MROH2B: variants seen among roughly 807,000 people sequenced by gnomAD.
MROH2B encodes the protein maestro heat like repeat family member 2B, also known as maestro heat-like repeat-containing protein family member 2B.
A neutral mutation model predicts 208.6 loss-of-function variants in MROH2B; 177 were observed. That is an observed-to-expected ratio of 0.85 (90% CI 0.75 to 0.96). The LOEUF is 0.96. MROH2B is among the 40% of genes least tolerant of loss of function. The pLI, the probability that MROH2B is intolerant of heterozygous loss-of-function variation, is 0.00. For synonymous variants in MROH2B, 728 were observed against 659.0 expected (o/e 1.10, Z -1.60); for missense variants, 2,002 against 1,878.7 (o/e 1.07, Z -1.21).
At chr5:41,032,384 C>T (rs1353305752) in intron 24 of MROH2B, among the ~76,000 whole-genome samples, 7 of 152,032 alleles carry the variant, frequency 4.6e-5, no homozygotes, top group Admixed American at 4.6e-4. Flanking sequence ...TTGCTGCTAA[C>T]CAACTAGAAT....
chr5:41,051,026 C>G lies in MROH2B; in HGVS notation c.1295G>C (p.Ser432Thr), dbSNP rs775318488. ...EKEEESVRET[S>T]LEVLKTLDPL... is the part of the protein sequence containing the mutation. Reference sequence around the variant, plus strand: ...GTCCAGGGTTTTTAAGACCTCAAGGCTTGTTTCTCGGACAGATTCCTCTTC... The same window carrying G: ...GTCCAGGGTTTTTAAGACCTCAAGGGTTGTTTCTCGGACAGATTCCTCTTC... Residue 432 changes from serine (S) to threonine (T), a missense_variant, in exon 13 of 42, where the codon AGC (serine) becomes ACC (threonine). Coordinates refer to ENST00000399564, the MANE Select transcript of MROH2B (RefSeq NM_173489.5). The G allele has an allele frequency of 3.8e-6, 6 of 1,566,898 alleles. No individual in the cohort carries two copies. The highest frequency in any genetic ancestry group is 5.2e-6 in the Non-Finnish European group (6 of 1,162,972).
At chr5:41,068,107 G>A (rs1385889135) in intron 2 of MROH2B, among the ~76,000 whole-genome samples, 1 of 152,154 alleles carries the variant, frequency 6.6e-6, no homozygotes, top group Non-Finnish European at 1.5e-5. Flanking sequence ...TCCTCTGGAT[G>A]ATGAAAGAGA....
At chr5:41,043,256 G>A (rs963066114) in intron 18 of MROH2B, among the ~76,000 whole-genome samples, 4 of 152,226 alleles carry the variant, frequency 2.6e-5, no homozygotes, top group South Asian at 2.1e-4. Context: ...TCAACTCCCA[G>A]AGTGACAGTG....
rs1267602612 is a variant in MROH2B, at chr5:41,054,990, C to G, written c.1034-150G>C. The G allele has an allele frequency of 6.1e-6, 3 of 490,906 alleles. No individual in the cohort carries two copies. The East Asian group carries it at 9.9e-5, about 16-fold the overall frequency. The allele number at this position is 490,906 out of a possible 1,614,324, so 30.4% of individuals were successfully genotyped here. A position where few individuals can be genotyped will look rare whatever the true frequency, so the allele number is the denominator to read the frequency against. ...TTGTTTTTCAATGCCCTCCCATCCT[C>G]TTTGTTTCCAAATCTTTAATGATGT... is the stretch of plus-strand genomic sequence containing the variant. On this transcript the variant is annotated intron_variant, in intron 10 of 41. Coordinates refer to ENST00000399564, the MANE Select transcript of MROH2B (RefSeq NM_173489.5).
Position 41,065,414 on chromosome 5 carries a change from T to C in MROH2B, c.278A>G (p.Tyr93Cys). The change falls in exon 4 of 42, where the codon TAT becomes TGT. Residue 93 changes from tyrosine (Y) to cysteine (C), a missense_variant. Coordinates refer to ENST00000399564, the MANE Select transcript of MROH2B (RefSeq NM_173489.5). ...GATCCTGAAGTTACTTTGTACTTCATACATCACAGAGTTGAAATCATGTGC... is the reference window on the plus strand; with the variant it reads ...GATCCTGAAGTTACTTTGTACTTCACACATCACAGAGTTGAAATCATGTGC... ...LAAHDFNSVM[Y>C]EVQSNFRILE... is the part of the protein sequence containing the mutation. The C allele has an allele frequency of 6.2e-7, 1 of 1,613,568 alleles. No homozygotes were observed. Among genetic ancestry groups the C allele is most frequent in the Non-Finnish European group, 8.5e-7 (1 of 1,179,672 alleles).
chr5:41,039,397 G>C, intron 20 of MROH2B, 51 bp downstream of exon 20: 1 of 1,067,558 alleles, frequency 9.4e-7, no homozygotes, highest in Non-Finnish European at 1.4e-6. Flanking sequence ...AAGAAATCAG[G>C]GTTGTCTGGC....
Position 41,057,185 on chromosome 5 carries a change from G to A in MROH2B, c.850-7C>T. 1 of 1,613,716 alleles carries A rather than the reference G, an allele frequency of 6.2e-7. No individual in the cohort carries two copies. Among genetic ancestry groups the A allele is most frequent in the Non-Finnish European group, 8.5e-7 (1 of 1,179,696 alleles). On this transcript the variant is annotated splice_polypyrimidine_tract_variant and splice_region_variant and intron_variant, in intron 8 of 41. Transcript: ENST00000399564. ...GCTCTGGAGCTCTGCAGATCTGAAT[G>A]GGGGTGGAAATCAGGTGGTAGATGT...
intron 5 of MROH2B, 98 bp from the exon 6 acceptor site, chr5:41,061,822 G>A (rs1460284729): frequency 1.5e-5 from 20 of 1,303,330 alleles, no homozygotes; most frequent in Admixed American, 2.7e-5. Context: ...TAGTAAATAT[G>A]TAATGGTTTT....
intron 6 of MROH2B, 146 bp from the exon 7 acceptor site, chr5:41,058,349 T>C: frequency 1.2e-6 from 1 of 814,620 alleles, no homozygotes; most frequent in Non-Finnish European, 1.7e-6. Flanking sequence ...TTAAAATCTT[T>C]AAAAAATGTT....
intron 1 of MROH2B, among the ~76,000 whole-genome samples, chr5:41,070,103 A>C (rs951146779): frequency 5.3e-5 from 8 of 152,090 alleles, no homozygotes; most frequent in African/African-American, 1.9e-4. Flanking sequence ...CTCCTGACTT[A>C]AGCATTAGAA....
rs544334612 is a variant in MROH2B, at chr5:41,022,135, C to G, written c.2442-3117G>C. Among the ~76,000 whole-genome samples, 4 of 152,240 alleles carry G rather than the reference C, an allele frequency of 2.6e-5. No homozygotes were observed. The South Asian group carries it at 6.2e-4, about 24-fold the overall frequency. On this transcript the variant is annotated intron_variant, in intron 24 of 41. Coordinates refer to ENST00000399564, the MANE Select transcript of MROH2B (RefSeq NM_173489.5). ...CTCCCAGCATGAGTGACGCAGAAGA[C>G]AGGTGATTTCTGCATTTCCCACTGA...
intron 37 of MROH2B, among the ~76,000 whole-genome samples, chr5:41,001,300 G>A (rs772889743): frequency 1.2e-4 from 19 of 152,188 alleles, no homozygotes; most frequent in Non-Finnish European, 2.2e-4. Context: ...GGCAGCTTGG[G>A]AATTTGGGCC....
At chr5:41,069,873 A>G (rs779233511) in intron 1 of MROH2B, 121 bp from the exon 2 acceptor site, 3 of 709,040 alleles carry the variant, frequency 4.2e-6, no homozygotes, top group Admixed American at 5.2e-5. Flanking sequence ...CTCTCCCTTG[A>G]CTGCTAGCTC....
At chr5:41,005,823 G>C (rs183580151) in intron 34 of MROH2B, among the ~76,000 whole-genome samples, 178 bp from the exon 35 acceptor site, 1 of 152,144 alleles carries the variant, frequency 6.6e-6, no homozygotes, top group East Asian at 1.9e-4. Context: ...CTGAGCTCAG[G>C]AGTTCGAGAC....
intron 30 of MROH2B, among the ~76,000 whole-genome samples, chr5:41,011,832 TAA>T (rs1293680052): frequency 6.6e-6 from 1 of 152,058 alleles, no homozygotes. Flanking sequence ...CATGCGCAGC[TAA>T]GTTTTGTATT....
At chr5:41,005,095 A>C (rs961768291) in intron 35 of MROH2B, 175 bp from the exon 36 acceptor site, 1 of 781,168 alleles carries the variant, frequency 1.3e-6, no homozygotes, top group Admixed American at 3.1e-5. Flanking sequence ...AGATATGAGC[A>C]GCGCACAGGT....
intron 19 of MROH2B, among the ~76,000 whole-genome samples, chr5:41,040,727 T>TG: frequency 6.6e-6 from 1 of 152,124 alleles, no homozygotes; most frequent in East Asian, 1.9e-4. Flanking sequence ...AGTGCAATGG[T>TG]GCGATCTCGG....
At chr5:41,040,768 C>T (rs781357055) in intron 19 of MROH2B, among the ~76,000 whole-genome samples, 31 of 152,172 alleles carry the variant, frequency 2.0e-4, no homozygotes, top group Non-Finnish European at 3.8e-4. Context: ...TGGGTTCACG[C>T]GATTCTCTTG....
intron 29 of MROH2B, among the ~76,000 whole-genome samples, chr5:41,014,458 G>A (rs917783615): frequency 1.3e-5 from 2 of 152,148 alleles, no homozygotes; most frequent in African/African-American, 4.8e-5. Context: ...GGTGCGGAGG[G>A]ATAGCATTAG....
Sources: gnomAD v4.1 joint callset for allele counts (sites outside exome capture counted in the v4.1 genomes callset) on GRCh38, gnomAD v4.1.1 for gene constraint, MANE v1.5 for transcripts, NCBI Gene and HGNC (gene_info 2026-07-23, HGNC 2026-07-21) for gene names.